Variants in ARHGEF4 observed in about 807,000 individuals in gnomAD.
The protein encoded by ARHGEF4 is APC-stimulated guanine nucleotide exchange factor 1.
Under a neutral mutation model 162.0 loss-of-function variants are expected in ARHGEF4, and 119 were observed. That is an observed-to-expected ratio of 0.73 (90% confidence interval 0.63 to 0.86). ARHGEF4 has a LOEUF of 0.86. Ranked by LOEUF, ARHGEF4 falls within the 40% of genes least tolerant of loss-of-function variation. The pLI is 0.00. For missense variants in ARHGEF4, 2,488 were observed against 2,456.0 expected (o/e 1.01, Z -0.28); for synonymous variants, 1,014 against 979.9 (o/e 1.03, Z -0.65).
At chr2:131,022,732 T>G (rs2105356792) in intron 4 of ARHGEF4, among the ~76,000 whole-genome samples, 1 of 150,178 alleles carries the variant, frequency 6.7e-6, no homozygotes, top group Admixed American at 6.6e-5. Context: ...GAAGAAAACA[T>G]TAAGAGAAAA....
At chr2:131,039,832 C>T (rs1690622357) in intron 6 of ARHGEF4, 184 bp from the exon 7 acceptor site, 5 of 1,410,830 alleles carry the variant, frequency 3.5e-6, no homozygotes, top group Non-Finnish European at 4.6e-6. Flanking sequence ...GCGTCGGAGT[C>T]GTCATTCCTC....
intron 1 of ARHGEF4, among the ~76,000 whole-genome samples, chr2:130,906,613 G>C (rs780180954): frequency 2.6e-5 from 4 of 152,176 alleles, no homozygotes; most frequent in Non-Finnish European, 4.4e-5. Context: ...CCAACATGGC[G>C]AACCAGCCCT....
intron 4 of ARHGEF4, among the ~76,000 whole-genome samples, chr2:131,000,469 T>G (rs1446263149): frequency 6.6e-6 from 1 of 152,216 alleles, no homozygotes; most frequent in Admixed American, 6.5e-5. Flanking sequence ...TGTTTTGTTC[T>G]TTTTCTATTT....
intron 4 of ARHGEF4, among the ~76,000 whole-genome samples, chr2:130,970,418 A>G (rs1257201349): frequency 6.6e-6 from 1 of 151,962 alleles, no homozygotes; most frequent in Non-Finnish European, 1.5e-5. Flanking sequence ...GTAAAATCCC[A>G]TCTCTACTAA....
At position 130,968,813 on chromosome 2, in the gene ARHGEF4, G is replaced by A. The variant is rs147933456; in HGVS notation, c.3985+22178G>A. Among the ~76,000 whole-genome samples the A allele has an allele frequency of 4.4e-3, 665 of 152,272 alleles. 6 individuals are homozygous for A. Among genetic ancestry groups the A allele is most frequent in the African/African-American group, 0.015 (620 of 41,556 alleles). On this transcript the variant is annotated intron_variant, in intron 4 of 13. Coordinates refer to ENST00000409359, the MANE Select transcript of ARHGEF4 (RefSeq NM_001367493.1). ...CGCGCCTGTAGTCCCAGCTACTTGGGAGACTGAGGCAGGAGAATTGTTTGA... is the reference window on the plus strand; with the variant it reads ...CGCGCCTGTAGTCCCAGCTACTTGGAAGACTGAGGCAGGAGAATTGTTTGA...
chr2:130,949,649 C>T (rs963462087), intron 4 of ARHGEF4, among the ~76,000 whole-genome samples: 1 of 150,322 alleles, frequency 6.7e-6, no homozygotes, highest in Non-Finnish European at 1.5e-5. Context: ...CCACCATGCC[C>T]GGCCTGTTTG....
intron 4 of ARHGEF4, among the ~76,000 whole-genome samples, chr2:130,958,817 A>G (rs978625719): frequency 1.2e-4 from 18 of 152,178 alleles, no homozygotes; most frequent in African/African-American, 2.9e-4. Flanking sequence ...GATCAGGTCA[A>G]TGGAGTTCCT....
chr2:131,008,158 A>C (rs1052276296), intron 4 of ARHGEF4, among the ~76,000 whole-genome samples: 2 of 152,024 alleles, frequency 1.3e-5, no homozygotes, highest in Non-Finnish European at 2.9e-5. Context: ...TCATTATATA[A>C]ATGTACCTTA....
chr2:130,909,596 TTGAC>T (rs777048895), intron 1 of ARHGEF4, among the ~76,000 whole-genome samples: 49 of 152,296 alleles, frequency 3.2e-4, no homozygotes, highest in East Asian at 3.9e-4. Flanking sequence ...TGTCAAAACT[TTGAC>T]TGTACACTTG....
chr2:130,935,948 C>G (rs1008362392), intron 3 of ARHGEF4, among the ~76,000 whole-genome samples: 4 of 152,162 alleles, frequency 2.6e-5, no homozygotes, highest in African/African-American at 7.2e-5. Flanking sequence ...GCCTATAATC[C>G]CAGCTACTGG....
At chr2:131,045,902 A>G in intron 13 of ARHGEF4, 136 bp from the exon 14 acceptor site, 1 of 1,493,670 alleles carries the variant, frequency 6.7e-7, no homozygotes, top group Non-Finnish European at 8.9e-7. Flanking sequence ...CTCCAGGAGC[A>G]AGTCCTGTGT....
At chr2:130,851,193 G>A (rs1432963083) in intron 1 of ARHGEF4, among the ~76,000 whole-genome samples, 1 of 152,258 alleles carries the variant, frequency 6.6e-6, no homozygotes, top group African/African-American at 2.4e-5. Flanking sequence ...CCTGCCAGAG[G>A]CCAGCATGTG....
At chr2:130,854,256 G>A (rs1350501080) in intron 1 of ARHGEF4, among the ~76,000 whole-genome samples, 2 of 152,208 alleles carry the variant, frequency 1.3e-5, no homozygotes, top group African/African-American at 2.4e-5. Context: ...ATCAGCAGTG[G>A]CACAGTCTGG....
In ARHGEF4 at chr2:130,912,414, C is replaced by T. The variant is rs571432584; in HGVS notation, c.40-1572C>T. Among the ~76,000 whole-genome samples, 10 of 152,332 alleles carry T rather than the reference C, an allele frequency of 6.6e-5. No homozygotes were observed. In the East Asian group the frequency reaches 9.6e-4, roughly 15 times the overall value. On this transcript the variant is annotated intron_variant, in intron 1 of 13. Coordinates refer to ENST00000409359, the MANE Select transcript of ARHGEF4 (RefSeq NM_001367493.1). ...TTAATGTTTGCTTTTCTATTCCGAA[C>T]GCCTTCTGCTTTGCAACTTACTTGA...
chr2:130,956,738 C>T (rs573950311), intron 4 of ARHGEF4, among the ~76,000 whole-genome samples: 3 of 149,298 alleles, frequency 2.0e-5, no homozygotes, highest in East Asian at 2.0e-4. Flanking sequence ...CCAAACACCA[C>T]GTTCTCACTC....
chr2:130,917,391 C>G lies in ARHGEF4; in HGVS notation c.3445C>G (p.Leu1149Val). ...GGGCCAGACCAGTTTCCTGCTTTCT[C>G]TGCAGACGCTAAACCAAGATGAGCA... Reference protein sequence around the residue: ...PKGQTSFLLSLQTLNQDEQKE... With the variant: ...PKGQTSFLLSVQTLNQDEQKE... Residue 1149 changes from leucine to valine, a missense_variant, in exon 2 of 14, where the codon CTG becomes GTG. Around this residue, in one of 6 missense-constraint regions of ARHGEF4, gnomAD observed 1,642 missense variants for 1,481.5 expected, o/e 1.11. Transcript: ENST00000409359. The G allele has an allele frequency of 6.4e-7, 1 of 1,550,658 alleles. No individual in the cohort carries two copies. Among genetic ancestry groups the G allele is most frequent in the Non-Finnish European group, 8.7e-7 (1 of 1,147,016 alleles).
intron 1 of ARHGEF4, among the ~76,000 whole-genome samples, chr2:130,838,966 C>T (rs1246511792): frequency 6.6e-6 from 1 of 152,174 alleles, no homozygotes; most frequent in African/African-American, 2.4e-5. Context: ...CACGGTCCTC[C>T]AGTTCCCCAT....
At chr2:130,880,023 A>G (rs572754827) in intron 1 of ARHGEF4, among the ~76,000 whole-genome samples, 1 of 152,130 alleles carries the variant, frequency 6.6e-6, no homozygotes, top group East Asian at 1.9e-4. Flanking sequence ...GGTCGAGTCC[A>G]TGTCTTGGCA....
chr2:130,854,668 G>T (rs1273491543), intron 1 of ARHGEF4, among the ~76,000 whole-genome samples: 2 of 152,106 alleles, frequency 1.3e-5, no homozygotes, highest in Admixed American at 6.6e-5. Context: ...CAGGATGGAG[G>T]TTCCACACCA....
Sources: gnomAD v4.1 joint callset for allele counts (sites outside exome capture counted in the v4.1 genomes callset) on GRCh38, gnomAD v4.1.1 for gene constraint, gnomAD v4.1.1 regional missense constraint, MANE v1.5 for transcripts, NCBI Gene and HGNC (gene_info 2026-07-23, HGNC 2026-07-21) for gene names.